Variants in NLRP13 observed in about 807,000 individuals in gnomAD.
NLRP13 encodes NLR family pyrin domain containing 13.
In NLRP13, 82 loss-of-function variants were observed where a neutral mutation model predicts 94.4. The ratio of observed to expected loss-of-function variants is 0.87; its 90% CI spans 0.73 to 1.04. The LOEUF is 1.04. Ranked by LOEUF, NLRP13 falls within the 50% of genes least tolerant of loss-of-function variation. NLRP13 has a pLI of 0.00. For missense variants in NLRP13, 1,426 were observed against 1,230.8 expected (o/e 1.16, Z -2.37); for synonymous variants, 553 against 464.7 (o/e 1.19, Z -2.45).
chr19:55,896,199 A>T, intron 10 of NLRP13, 80 bp from the exon 11 acceptor site: 1 of 1,480,906 alleles, frequency 6.8e-7, no homozygotes, highest in Non-Finnish European at 9.2e-7. Context: ...CATCTGCAGG[A>T]AAAAAACTAT....
At chr19:55,931,807 T>G (rs1366926566) in intron 1 of NLRP13, among the ~76,000 whole-genome samples, 186 bp downstream of exon 1, 1 of 151,542 alleles carries the variant, frequency 6.6e-6, no homozygotes, top group Non-Finnish European at 1.5e-5. Context: ...TGCTACTCCT[T>G]CCCAGGCTAG....
intron 8 of NLRP13, among the ~76,000 whole-genome samples, chr19:55,904,311 A>C (rs555864887): frequency 1.3e-5 from 2 of 152,144 alleles, no homozygotes; most frequent in South Asian, 4.2e-4. Flanking sequence ...CTGGTCTCAA[A>C]ATTCCTGACC....
At chr19:55,905,462 CACACATATATACATAT>C (rs1986316415) in intron 7 of NLRP13, among the ~76,000 whole-genome samples, 1 of 118,330 alleles carries the variant, frequency 8.5e-6, no homozygotes, top group South Asian at 2.8e-4. Flanking sequence ...TACATATATA[CACACATATATACATAT>C]ATATATACAC....
chr19:55,915,580 G>T (rs1008178857), intron 4 of NLRP13, among the ~76,000 whole-genome samples: 1 of 152,056 alleles, frequency 6.6e-6, no homozygotes, highest in African/African-American at 2.4e-5. Flanking sequence ...CCTGGGCAAC[G>T]GGGCAAGACT....
intron 4 of NLRP13, among the ~76,000 whole-genome samples, chr19:55,923,684 A>G (rs1450272994): frequency 6.6e-6 from 1 of 152,100 alleles, no homozygotes; most frequent in Non-Finnish European, 1.5e-5. Flanking sequence ...CTTTCACTGG[A>G]TATCTGTGTC....
intron 1 of NLRP13, among the ~76,000 whole-genome samples, chr19:55,930,898 A>ATATGTATATAT: frequency 9.5e-6 from 1 of 104,898 alleles, no homozygotes; most frequent in African/African-American, 3.9e-5. Context: ...ATATATATAT[A>ATATGTATATAT]AAATTTTAAC....
rs113487928 is a variant in NLRP13 at position 55,902,259 on chromosome 19, G to T, written c.2619-54C>A. Reference sequence around the variant, plus strand: ...ACTCAGGGAAGCAGCCCAGACCCAGGCTCCTGGAACAGAGCCTCAGGGCCC... The same window carrying T: ...ACTCAGGGAAGCAGCCCAGACCCAGTCTCCTGGAACAGAGCCTCAGGGCCC... On this transcript the variant is annotated intron_variant, in intron 8 of 10. Transcript: ENST00000342929. 14 of 1,558,534 alleles carry T rather than the reference G, an allele frequency of 9.0e-6. No individual in the cohort carries two copies. The Admixed American group carries it at 2.3e-4, about 25-fold the overall frequency.
chr19:55,900,877 C>G (rs1475991989), intron 9 of NLRP13, among the ~76,000 whole-genome samples: 1 of 151,868 alleles, frequency 6.6e-6, no homozygotes, highest in Non-Finnish European at 1.5e-5. Context: ...GGCCATAAAT[C>G]AATAATTGTT....
chr19:55,895,078 A>T (rs578102556), downstream of NLRP13, among the ~76,000 whole-genome samples: 1 of 152,120 alleles, frequency 6.6e-6, no homozygotes, highest in African/African-American at 2.4e-5. Context: ...TAATAAAATT[A>T]AAAATTTATA....
At chr19:55,917,720 A>T (rs1408004336) in intron 4 of NLRP13, among the ~76,000 whole-genome samples, 2 of 151,110 alleles carry the variant, frequency 1.3e-5, no homozygotes, top group Non-Finnish European at 3.0e-5. Flanking sequence ...ATTCAAGAAG[A>T]TATAATAATC....
chr19:55,902,750 A>C (rs1009842742), intron 8 of NLRP13, among the ~76,000 whole-genome samples: 2 of 152,058 alleles, frequency 1.3e-5, no homozygotes, highest in Admixed American at 6.6e-5. Flanking sequence ...TGTATTGCAT[A>C]ATATGTGTTA....
At chr19:55,915,484 G>A (rs949020678) in intron 4 of NLRP13, among the ~76,000 whole-genome samples, 4 of 152,108 alleles carry the variant, frequency 2.6e-5, no homozygotes, top group African/African-American at 4.8e-5. Flanking sequence ...TGTAATCCCA[G>A]CTACTCGGGA....
intron 4 of NLRP13, among the ~76,000 whole-genome samples, chr19:55,916,156 G>T (rs1986668791): frequency 6.6e-6 from 1 of 152,120 alleles, no homozygotes; most frequent in African/African-American, 2.4e-5. Flanking sequence ...GTCAATGAAA[G>T]CACTCAGAAA....
intron 7 of NLRP13, among the ~76,000 whole-genome samples, chr19:55,906,211 G>T (rs1986341175): frequency 6.6e-6 from 1 of 151,626 alleles, no homozygotes; most frequent in Admixed American, 6.6e-5. Context: ...GGTGGTGTGT[G>T]ACTGTAATTC....
At chr19:55,918,715 T>A (rs1986736856) in intron 4 of NLRP13, among the ~76,000 whole-genome samples, 1 of 151,494 alleles carries the variant, frequency 6.6e-6, no homozygotes, top group Non-Finnish European at 1.5e-5. Context: ...AAGGAGTGAG[T>A]GAATCAGTAA....
At chr19:55,930,011 G>C (rs1157532909) in intron 1 of NLRP13, among the ~76,000 whole-genome samples, 1 of 152,050 alleles carries the variant, frequency 6.6e-6, no homozygotes, top group Non-Finnish European at 1.5e-5. Context: ...AGAGGGACAG[G>C]GAAAAAGGGT....
At chr19:55,929,847 G>T (rs1226995092) in intron 1 of NLRP13, among the ~76,000 whole-genome samples, 2 of 151,806 alleles carry the variant, frequency 1.3e-5, no homozygotes, top group South Asian at 2.1e-4. Context: ...GCATGCAATA[G>T]AGAAATCAAT....
At chr19:55,916,211 G>C (rs1014031169) in intron 4 of NLRP13, among the ~76,000 whole-genome samples, 1 of 151,900 alleles carries the variant, frequency 6.6e-6, no homozygotes, top group African/African-American at 2.4e-5. Context: ...ACATCCTCAA[G>C]GGAAAAAATA....
intron 10 of NLRP13, among the ~76,000 whole-genome samples, chr19:55,897,498 C>A (rs1373430352): frequency 6.6e-6 from 1 of 151,842 alleles, no homozygotes; most frequent in Non-Finnish European, 1.5e-5. Flanking sequence ...AGAGTGAGAC[C>A]CCATCAAAAC....
Sources: allele counts gnomAD v4.1 joint callset (sites outside exome capture counted in the v4.1 genomes callset), GRCh38; gene constraint gnomAD v4.1.1; transcripts MANE v1.5; gene names NCBI Gene and HGNC (gene_info 2026-07-23, HGNC 2026-07-21).